DST: variants seen among roughly 807,000 people sequenced by gnomAD.
DST encodes dystonin, also known as bullous pemphigoid antigen.
A neutral mutation model predicts 875.2 loss-of-function variants in DST; 253 were observed. The observed-to-expected ratio is 0.29, with a 90% CI of 0.26 to 0.32. The LOEUF is 0.32. Ranked by LOEUF, DST falls within the 10% of genes least tolerant of loss-of-function variation. DST has a pLI of 1.00. For synonymous variants in DST, 3,124 were observed against 3,197.1 expected (o/e 0.98, Z 0.77); for missense variants, 8,287 against 9,111.6 (o/e 0.91, Z 3.68).
chr6:56,590,918 C>A (rs1325029848), intron 49 of DST, among the ~76,000 whole-genome samples: 1 of 152,206 alleles, frequency 6.6e-6, no homozygotes, highest in Admixed American at 6.5e-5. Flanking sequence ...CAATCTCAGG[C>A]AATACCTAAC....
chr6:56,614,427 A>G lies in DST; in HGVS notation c.4987T>C (p.Trp1663Arg). Residue 1663 changes from tryptophan to arginine, a missense_variant, in exon 37 of 104, where the codon TGG becomes CGG. Coordinates refer to ENST00000680361, the MANE Select transcript of DST (RefSeq NM_001374736.1). ...HVEKAKELQK[W>R]VSNISKTLKD... ...AATGTCTTGCTGATATTTGATACCC[A>G]TTTTTGCAATTCTTTGGCTTTTTCA... 6.2e-7 allele frequency: 1 copy of G among 1,610,042 alleles called. No homozygotes were observed. The highest frequency in any genetic ancestry group is 1.1e-5 in the South Asian group (1 of 90,258).
At chr6:56,579,302 GA>G (rs1216377451) in intron 49 of DST, among the ~76,000 whole-genome samples, 1 of 152,072 alleles carries the variant, frequency 6.6e-6, no homozygotes, top group Non-Finnish European at 1.5e-5. Flanking sequence ...ACCAAAATTT[GA>G]GACCACTTCT....
chr6:56,653,702 C>T (rs1005641569), intron 10 of DST, among the ~76,000 whole-genome samples: 25 of 151,956 alleles, frequency 1.6e-4, no homozygotes, highest in African/African-American at 5.3e-4. Context: ...ACACAAAAAA[C>T]CACTATGAAA....
At chr6:56,793,928 G>A (rs1399946047) in intron 4 of DST, among the ~76,000 whole-genome samples, 1 of 152,052 alleles carries the variant, frequency 6.6e-6, no homozygotes, top group Non-Finnish European at 1.5e-5. Flanking sequence ...CCAAGAAAAT[G>A]GTATTTTAAA....
Position 56,469,972 on chromosome 6 carries a change from G to C in DST, c.22477-15C>G. 1 of 1,612,694 alleles carries C rather than the reference G, an allele frequency of 6.2e-7. No homozygotes were observed. The highest frequency in any genetic ancestry group is 8.5e-7 in the Non-Finnish European group (1 of 1,178,868). ...TGCCTTGTCACCTGCCAAAAACAAT[G>C]ATGAAATATTTACTTTAATGTCAAT... On this transcript the variant is annotated splice_polypyrimidine_tract_variant and intron_variant, in intron 96 of 103. Transcript: ENST00000680361.
intron 4 of DST, chr6:56,843,960 G>T (rs1187560139): frequency 6.6e-6 from 1 of 152,642 alleles, no homozygotes; most frequent in Non-Finnish European, 1.5e-5. Context: ...GATCCCCAAG[G>T]GCGACGTTTC....
At chr6:56,602,603 T>C (rs570561499) in intron 43 of DST, among the ~76,000 whole-genome samples, 3 of 152,124 alleles carry the variant, frequency 2.0e-5, no homozygotes, top group Admixed American at 6.6e-5. Context: ...CATACTATTA[T>C]ATATTTATGT....
intron 4 of DST, among the ~76,000 whole-genome samples, chr6:56,751,753 T>G (rs2099587901): frequency 6.6e-6 from 1 of 152,124 alleles, no homozygotes; most frequent in African/African-American, 2.4e-5. Flanking sequence ...AACTAAAATT[T>G]TTTTCCATAA....
Position 56,607,960 on chromosome 6 carries a change from T to A in DST, c.6668A>T (p.Asp2223Val). ...GCCAACAGCCTCATCCAAGTCTCCA[T>A]CGTACAGCAAAAGCCTTTGCCCTGT... ...ANTGQRLLLY[D>V]GDLDEAVGML... Residue 2223 changes from aspartate to valine, a missense_variant, in exon 40 of 104, where the codon GAT becomes GTT. Asp to Val is a radical substitution (Grantham distance 152). This residue lies in a region of DST where 3,138 missense variants were observed against 3,116.6 expected (regional missense o/e 1.01). Coordinates refer to ENST00000680361, the MANE Select transcript of DST (RefSeq NM_001374736.1). 1 of 1,613,608 alleles carries A rather than the reference T, an allele frequency of 6.2e-7. No homozygotes were observed. Among genetic ancestry groups the A allele is most frequent in the Non-Finnish European group, 8.5e-7 (1 of 1,179,714 alleles).
chr6:56,535,070 CTT>C (rs1014525501), intron 63 of DST, 50 bp downstream of exon 63: 64 of 1,588,470 alleles, frequency 4.0e-5, no homozygotes, highest in Middle Eastern at 3.3e-4. Context: ...CATTTTTTCT[CTT>C]GTTATTAAGA....
chr6:56,900,528 G>A lies in DST; in HGVS notation c.310C>T (p.His104Tyr). 7.3e-7 allele frequency: 1 copy of A among 1,367,654 alleles called. No individual in the cohort carries two copies. Among genetic ancestry groups the A allele is most frequent in the Non-Finnish European group, 9.8e-7 (1 of 1,021,862 alleles). 84.7% of individuals were successfully genotyped at this position (1,367,654 alleles called of 1,614,324 possible). The change falls in exon 3 of 104, where the codon CAT becomes TAT. Residue 104 changes from histidine to tyrosine, a missense_variant. Around this residue, in one of 10 missense-constraint regions of DST, gnomAD observed 1,160 missense variants for 1,424.3 expected, o/e 0.81. Transcript: ENST00000680361. ...ACTGAAGTTTCTTGCTCACTCTGAT[G>A]GTGAACTTCCACCACGGGCTTCACT... ...EEVKPVVEVH[H>Y]QSEQETSVRK...
At chr6:56,491,448 G>T (rs987060846) in intron 85 of DST, among the ~76,000 whole-genome samples, 1 of 152,062 alleles carries the variant, frequency 6.6e-6, no homozygotes, top group Non-Finnish European at 1.5e-5. Flanking sequence ...TTTGTCAAGC[G>T]AGGTAGGTAC....
intron 34 of DST, among the ~76,000 whole-genome samples, chr6:56,626,926 A>T (rs1193850213): frequency 2.0e-5 from 3 of 152,122 alleles, no homozygotes; most frequent in Admixed American, 6.6e-5. Flanking sequence ...AACAATGTTA[A>T]AGAAAAAAGA....
chr6:56,590,174 C>A (rs892873329), intron 49 of DST, among the ~76,000 whole-genome samples: 8 of 152,106 alleles, frequency 5.3e-5, no homozygotes, highest in Non-Finnish European at 8.8e-5. Flanking sequence ...AGATCTCTTT[C>A]TTTTTCATAT....
At chr6:56,914,585 T>C (rs1800065975) in intron 2 of DST, among the ~76,000 whole-genome samples, 1 of 152,170 alleles carries the variant, frequency 6.6e-6, no homozygotes. Flanking sequence ...TATTTTAGGG[T>C]GTTTTTCCCG....
At chr6:56,711,724 G>C (rs1013812752) in intron 5 of DST, among the ~76,000 whole-genome samples, 2 of 152,090 alleles carry the variant, frequency 1.3e-5, no homozygotes, top group Admixed American at 1.3e-4. Flanking sequence ...GCTTGTAAAG[G>C]CATCAGCATT....
At chr6:56,600,031 C>G in intron 45 of DST, 38 bp downstream of exon 45, 1 of 1,558,440 alleles carries the variant, frequency 6.4e-7, no homozygotes, top group Non-Finnish European at 8.8e-7. Flanking sequence ...TCGAACATAA[C>G]ATCAACATAG....
At chr6:56,635,568 G>A (rs752915933) in intron 24 of DST, 21 bp downstream of exon 24, 31 of 1,612,478 alleles carry the variant, frequency 1.9e-5, no homozygotes, top group Non-Finnish European at 2.6e-5. Flanking sequence ...CTTATAAAAT[G>A]CATAGGTTTT....
chr6:56,566,946 G>A (rs1562849479), intron 55 of DST, among the ~76,000 whole-genome samples: 3 of 152,178 alleles, frequency 2.0e-5, no homozygotes, highest in Non-Finnish European at 4.4e-5. Flanking sequence ...GTGGTTAGGA[G>A]TACCTAGGTC....
Sources: allele counts gnomAD v4.1 joint callset (sites outside exome capture counted in the v4.1 genomes callset), GRCh38; gene constraint gnomAD v4.1.1; regional missense constraint gnomAD v4.1.1; transcripts MANE v1.5; gene names NCBI Gene and HGNC (gene_info 2026-07-23, HGNC 2026-07-21).